Variants in TXN2 observed in about 807,000 individuals in gnomAD.
TXN2 encodes the protein thioredoxin, mitochondrial.
A neutral mutation model predicts 14.6 loss-of-function variants in TXN2; 12 were observed. That is an observed-to-expected ratio of 0.82 (90% CI 0.53 to 1.33). The LOEUF (loss-of-function observed/expected upper bound fraction) is 1.33. TXN2 is among the 40% of genes most tolerant of loss of function. TXN2 has a pLI of 0.00. For missense variants in TXN2, 173 were observed against 207.7 expected, an observed-to-expected ratio of 0.83 and a Z score of 1.03; for synonymous variants, 89 against 81.0, an observed-to-expected ratio of 1.10 and a Z score of -0.53.
intron 2 of TXN2, among the ~76,000 whole-genome samples, chr22:36,477,093 C>T (rs1375720391): frequency 6.6e-6 from 1 of 152,204 alleles, no homozygotes; most frequent in Non-Finnish European, 1.5e-5. Flanking sequence ...AAAAGTGACT[C>T]ATTTCAGTAT....
At position 36,467,455 on chromosome 22, in the gene TXN2, T is replaced by C; in HGVS notation, c.*349A>G. ...GACGAGCCAGGCACGAGGTTTCAGA[T>C]TGGAAGGGACCAAGATGAGGACCAA... On this transcript the variant is annotated 3_prime_UTR_variant, in exon 4 of 4. Coordinates refer to ENST00000216185, the MANE Select transcript of TXN2 (RefSeq NM_012473.4). The C allele has an allele frequency of 4.3e-6, 1 of 235,154 alleles. No individual in the cohort carries two copies. Among genetic ancestry groups the C allele is most frequent in the South Asian group, 8.8e-5 (1 of 11,362 alleles). 14.6% of individuals were successfully genotyped at this position (235,154 alleles called of 1,614,324 possible). A position where few individuals can be genotyped will look rare whatever the true frequency, so the allele number is the denominator to read the frequency against.
At chr22:36,473,134 C>T (rs1933316516) in intron 3 of TXN2, among the ~76,000 whole-genome samples, 1 of 152,028 alleles carries the variant, frequency 6.6e-6, no homozygotes, top group Admixed American at 6.6e-5. Flanking sequence ...TGGTGAAACC[C>T]CATCTCTACT....
At chr22:36,474,820 C>T (rs757701842) in intron 3 of TXN2, among the ~76,000 whole-genome samples, 5 of 152,176 alleles carry the variant, frequency 3.3e-5, no homozygotes, top group Non-Finnish European at 5.9e-5. Flanking sequence ...GCTCCGTACT[C>T]GGCCCTTCAC....
chr22:36,470,327 G>T (rs1933247244), intron 3 of TXN2, among the ~76,000 whole-genome samples: 1 of 152,168 alleles, frequency 6.6e-6, no homozygotes, highest in African/African-American at 2.4e-5. Context: ...GGCTGATGTG[G>T]GTGGCAAACC....
chr22:36,468,343 C>T (rs534463377), intron 3 of TXN2, among the ~76,000 whole-genome samples: 15 of 152,256 alleles, frequency 9.9e-5, no homozygotes, highest in African/African-American at 2.9e-4. Context: ...GGGCCTTGGC[C>T]GGGTCACAGC....
chr22:36,473,153 A>G (rs1247001813), intron 3 of TXN2, among the ~76,000 whole-genome samples: 1 of 152,120 alleles, frequency 6.6e-6, no homozygotes. Context: ...CTAAAAATAC[A>G]AAAATTAGGC....
rs1268471809 is a variant in TXN2 at position 36,480,588 on chromosome 22, C to T, written c.250G>A (p.Asp84Asn). Residue 84 changes from aspartate (D) to asparagine (N), a missense_variant, in exon 2 of 4, where the codon GAT (aspartate) becomes AAT (asparagine). Transcript: ENST00000216185. ...VVNSETPVVVDFHAQWCGPCK... is the reference protein window; with the variant it reads ...VVNSETPVVVNFHAQWCGPCK... ...CCCAATACTCACTGTGCGTGGAAAT[C>T]CACAACCACTGGTGTCTCACTGTTG... The T allele has an allele frequency of 1.2e-6, 2 of 1,613,658 alleles. No homozygotes were observed. Among genetic ancestry groups the T allele is most frequent in the Non-Finnish European group, 8.5e-7 (1 of 1,179,902 alleles).
At chr22:36,478,491 C>T (rs1012687186) in intron 2 of TXN2, among the ~76,000 whole-genome samples, 5 of 152,146 alleles carry the variant, frequency 3.3e-5, no homozygotes, top group African/African-American at 9.7e-5. Flanking sequence ...ATTCTCAGCA[C>T]TTACTTATTT....
chr22:36,478,516 G>A (rs970909804), intron 2 of TXN2, among the ~76,000 whole-genome samples: 9 of 152,148 alleles, frequency 5.9e-5, no homozygotes, highest in Non-Finnish European at 1.2e-4. Context: ...TTGAGATGGA[G>A]TCTCACTCTG....
At chr22:36,470,095 C>T (rs16996768) in intron 3 of TXN2, among the ~76,000 whole-genome samples, 19,638 of 152,278 alleles carry the variant, frequency 0.13, 1,504 homozygotes, top group African/African-American at 0.21. Flanking sequence ...TGCCCTGCCA[C>T]GGCCCATCTT....
intron 2 of TXN2, 44 bp downstream of exon 2, chr22:36,480,531 T>C: frequency 1.9e-6 from 3 of 1,590,372 alleles, no homozygotes; most frequent in African/African-American, 1.3e-5. Context: ...AATAAATACT[T>C]GAACAAGTAG....
In TXN2 at chr22:36,467,274, G is replaced by T. The variant is rs1442528533; in HGVS notation, c.*530C>A. On this transcript the variant is annotated 3_prime_UTR_variant, in exon 4 of 4. Transcript: ENST00000216185. ...AGGGGATTTCAGTGTGGGACCCAGG[G>T]TCTGTTCTTCACAGTAGGAGGTGGA... The T allele has an allele frequency of 6.5e-6, 1 of 154,206 alleles. No individual in the cohort carries two copies. The highest frequency in any genetic ancestry group is 1.4e-5 in the Non-Finnish European group (1 of 69,336). 9.6% of individuals were successfully genotyped at this position (154,206 alleles called of 1,614,324 possible). A position where few individuals can be genotyped will look rare whatever the true frequency, so the allele number is the denominator to read the frequency against.
rs8140249 is a variant in TXN2, at chr22:36,479,864, C to T, written c.263+711G>A. Reference sequence around the variant, plus strand: ...CTATGCCCTGTATGCTTGGGCACCACGGTAGTGACACCGATAACTTTTTTT... The same window carrying T: ...CTATGCCCTGTATGCTTGGGCACCATGGTAGTGACACCGATAACTTTTTTT... On this transcript the variant is annotated intron_variant, in intron 2 of 3. Coordinates refer to ENST00000216185, the MANE Select transcript of TXN2 (RefSeq NM_012473.4). Among the ~76,000 whole-genome samples the T allele has an allele frequency of 3.3e-3, 494 of 151,556 alleles. 3 individuals carry two copies. Among genetic ancestry groups the T allele is most frequent in the African/African-American group, 0.011 (469 of 41,260 alleles).
chr22:36,476,700 G>T (rs751231539), intron 3 of TXN2, 33 bp downstream of exon 3: 5 of 1,613,470 alleles, frequency 3.1e-6, no homozygotes, highest in Middle Eastern at 1.7e-4. Flanking sequence ...TCCTATACTG[G>T]CTTCCCTGTG....
chr22:36,471,757 T>G (rs1272031914), intron 3 of TXN2, among the ~76,000 whole-genome samples: 3 of 151,716 alleles, frequency 2.0e-5, no homozygotes, highest in Non-Finnish European at 4.4e-5. Flanking sequence ...TCATCTGAGG[T>G]CAGGAATTCG....
chr22:36,480,248 C>G (rs969947188), intron 2 of TXN2, among the ~76,000 whole-genome samples: 10 of 152,238 alleles, frequency 6.6e-5, no homozygotes, highest in African/African-American at 1.7e-4. Context: ...ATCAGCTTAT[C>G]TGCAGGGCCA....
chr22:36,467,598 G>T lies in TXN2; in HGVS notation c.*206C>A, dbSNP rs567685859. On this transcript the variant is annotated 3_prime_UTR_variant, in exon 4 of 4. Coordinates refer to ENST00000216185, the MANE Select transcript of TXN2 (RefSeq NM_012473.4). ...AAAGGCGTATGGGAGGGAAGACAGCGGTCCCCGGATCAGCAGCAGCACCAC... is the reference window on the plus strand; with the variant it reads ...AAAGGCGTATGGGAGGGAAGACAGCTGTCCCCGGATCAGCAGCAGCACCAC... 1 of 563,222 alleles carries T rather than the reference G, an allele frequency of 1.8e-6. No homozygotes were observed. The highest frequency in any genetic ancestry group is 1.9e-5 in the African/African-American group (1 of 53,130). 34.9% of individuals were successfully genotyped at this position (563,222 alleles called of 1,614,324 possible). A position where few individuals can be genotyped will look rare whatever the true frequency, so the allele number is the denominator to read the frequency against.
intron 3 of TXN2, among the ~76,000 whole-genome samples, chr22:36,472,569 C>T (rs572684485): frequency 6.6e-6 from 1 of 152,214 alleles, no homozygotes; most frequent in Admixed American, 6.5e-5. Flanking sequence ...GTACCTTCCC[C>T]TTCCTCTCAA....
rs1208794384 is a variant in TXN2 at position 36,467,707 on chromosome 22, C to A, written c.*97G>T. 14 of 1,083,282 alleles carry A rather than the reference C, an allele frequency of 1.3e-5. No individual in the cohort carries two copies. Among genetic ancestry groups the A allele is most frequent in the Non-Finnish European group, 1.8e-5 (13 of 712,772 alleles). The allele number at this position is 1,083,282 out of a possible 1,614,324, so 67.1% of individuals were successfully genotyped here. ...GGGCTCTAAGCATGGGCCCCAGGAG[C>A]CAGACAGGAGGGAGGCAGCAGGAAG... On this transcript the variant is annotated 3_prime_UTR_variant, in exon 4 of 4. Transcript: ENST00000216185.
Sources: gnomAD v4.1 joint callset for allele counts (sites outside exome capture counted in the v4.1 genomes callset) on GRCh38, gnomAD v4.1.1 for gene constraint, MANE v1.5 for transcripts, NCBI Gene and HGNC (gene_info 2026-07-23, HGNC 2026-07-21) for gene names.